The following TSC22D1 variants were observed in gnomAD, a reference collection of about 807,000 sequenced individuals.
TSC22D1 encodes TSC22 domain family member 1.
TSC22D1 carries 9 observed loss-of-function variants against 74.2 expected under a neutral mutation model. That is an observed-to-expected ratio of 0.12 (90% confidence interval 0.07 to 0.21). The LOEUF is 0.21. Among genes scored for constraint, TSC22D1 ranks in the 10% least tolerant of loss-of-function variants. The probability of loss-of-function intolerance (pLI) is 1.00; values close to 1 mark genes in which losing one functional copy is unlikely to be tolerated. For synonymous variants in TSC22D1, 586 were observed against 492.5 expected, an observed-to-expected ratio of 1.19 and a Z score of -2.51; for missense variants, 1,427 against 1,304.7, an observed-to-expected ratio of 1.09 and a Z score of -1.44.
chr13:44,437,094 C>T (rs1340278508), intron 1 of TSC22D1: 4 of 979,152 alleles, frequency 4.1e-6, no homozygotes, highest in African/African-American at 1.8e-5. Context: ...TCCACGGCGG[C>T]CTCAAAACAC....
At chr13:44,440,001 A>C (rs1301066635) in intron 1 of TSC22D1, among the ~76,000 whole-genome samples, 2 of 152,162 alleles carry the variant, frequency 1.3e-5, no homozygotes, top group Non-Finnish European at 2.9e-5. Flanking sequence ...ATTACCCTGT[A>C]CCTGACCAAA....
chr13:44,544,985 A>G (rs1194362597), intron 1 of TSC22D1, among the ~76,000 whole-genome samples: 1 of 152,190 alleles, frequency 6.6e-6, no homozygotes, highest in African/African-American at 2.4e-5. Context: ...TGCATAAACT[A>G]TATTGACTAT....
At chr13:44,456,238 A>G (rs7334639) in intron 1 of TSC22D1, among the ~76,000 whole-genome samples, 89,943 of 152,080 alleles carry the variant, frequency 0.59, 26,519 homozygotes, top group Middle Eastern at 0.67. Flanking sequence ...TCCACGGCGG[A>G]GAAGAAGACC....
intron 1 of TSC22D1, among the ~76,000 whole-genome samples, chr13:44,500,061 C>G (rs1163728563): frequency 1.4e-5 from 2 of 147,926 alleles, no homozygotes; most frequent in Admixed American, 6.8e-5. Context: ...GCACTCCAGC[C>G]TGGGTGACAA....
chr13:44,538,489 T>C, intron 1 of TSC22D1: 4 of 985,398 alleles, frequency 4.1e-6, no homozygotes, highest in Non-Finnish European at 4.8e-6. Context: ...GCCTACTTCA[T>C]TAAGGTGATT....
At chr13:44,536,778 T>C (rs1015871144) in intron 1 of TSC22D1, 3 of 984,358 alleles carry the variant, frequency 3.0e-6, no homozygotes, top group Non-Finnish European at 3.6e-6. Context: ...AAAAATTGCA[T>C]CTAAAAAAGT....
At position 44,533,409 on chromosome 13, in the gene TSC22D1, G is replaced by A. The variant is rs142065565; in HGVS notation, c.2912+39754C>T. Among the ~76,000 whole-genome samples the A allele has an allele frequency of 2.0e-3, 301 of 151,208 alleles. 10 individuals are homozygous for A. The East Asian group carries it at 0.05, about 25-fold the overall frequency. ...CAGGAGGCAGATGTTGCAGTGAGCT[G>A]AGATCTTGCCACTGCACTCCAGCTT... On this transcript the variant is annotated intron_variant, in intron 1 of 2. Coordinates refer to ENST00000458659, the MANE Select transcript of TSC22D1 (RefSeq NM_183422.4).
At chr13:44,544,583 A>C (rs921720399) in intron 1 of TSC22D1, among the ~76,000 whole-genome samples, 11 of 151,766 alleles carry the variant, frequency 7.2e-5, no homozygotes, top group African/African-American at 2.7e-4. Flanking sequence ...TCTGAACTTA[A>C]GGGGCTGAAT....
At chr13:44,455,961 T>C (rs750192729) in intron 1 of TSC22D1, among the ~76,000 whole-genome samples, 7 of 152,276 alleles carry the variant, frequency 4.6e-5, no homozygotes, top group South Asian at 4.1e-4. Context: ...CCAAAGACCA[T>C]TGATATGCAG....
intron 1 of TSC22D1, among the ~76,000 whole-genome samples, chr13:44,465,882 A>G (rs987948477): frequency 2.6e-5 from 4 of 152,218 alleles, no homozygotes; most frequent in African/African-American, 9.6e-5. Flanking sequence ...CTGAAGCAGG[A>G]GAATCGCTTG....
At chr13:44,494,763 A>G (rs1878888355) in intron 1 of TSC22D1, among the ~76,000 whole-genome samples, 2 of 152,206 alleles carry the variant, frequency 1.3e-5, no homozygotes, top group African/African-American at 4.8e-5. Flanking sequence ...AAATTAACAG[A>G]AACTGTTCCT....
intron 1 of TSC22D1, among the ~76,000 whole-genome samples, chr13:44,455,111 G>A (rs1876473529): frequency 6.6e-6 from 1 of 152,098 alleles, no homozygotes; most frequent in Non-Finnish European, 1.5e-5. Flanking sequence ...GTGAGATAAG[G>A]ACAAGTACCC....
Position 44,574,241 on chromosome 13 carries a change from G to C in TSC22D1, c.1834C>G (p.Pro612Ala). The change falls in exon 1 of 3, where the codon CCT becomes GCT. Residue 612 changes from proline (P) to alanine (A), a missense_variant. Pro to Ala is a conservative substitution (Grantham distance 27). Transcript: ENST00000458659. ...QPQLPYSQAA[P>A]PVQTPLPGAP... ...CCTGGAAGGGGAGTTTGCACTGGAG[G>C]AGCCGCCTGAGAATATGGTAGCTGG... 6.2e-7 allele frequency: 1 copy of C among 1,614,238 alleles called. No homozygotes were observed. Among genetic ancestry groups the C allele is most frequent in the South Asian group, 1.1e-5 (1 of 91,086 alleles).
At chr13:44,550,377 T>A (rs916977542) in intron 1 of TSC22D1, among the ~76,000 whole-genome samples, 5 of 151,606 alleles carry the variant, frequency 3.3e-5, no homozygotes, top group African/African-American at 1.2e-4. Context: ...AGGTCAGGAG[T>A]TCGAGACCAG....
At chr13:44,449,474 A>C (rs1372029561) in intron 1 of TSC22D1, among the ~76,000 whole-genome samples, 4 of 152,238 alleles carry the variant, frequency 2.6e-5, no homozygotes, top group Non-Finnish European at 5.9e-5. Flanking sequence ...GAAGGCAGGC[A>C]GGCTGCGTCC....
chr13:44,468,090 A>G (rs1203385434), intron 1 of TSC22D1, among the ~76,000 whole-genome samples: 3 of 152,158 alleles, frequency 2.0e-5, no homozygotes, highest in African/African-American at 7.2e-5. Flanking sequence ...ACAGAACTGG[A>G]GGCCATCATT....
rs1874116900 is a variant in TSC22D1, at chr13:44,432,386, C to T, written c.*2240G>A. The T allele has an allele frequency of 6.6e-6, 1 of 152,160 alleles. No homozygotes were observed. Among genetic ancestry groups the T allele is most frequent in the Non-Finnish European group, 1.5e-5 (1 of 68,018 alleles). 9.4% of individuals were successfully genotyped at this position (152,160 alleles called of 1,614,324 possible). A position where few individuals can be genotyped will look rare whatever the true frequency, so the allele number is the denominator to read the frequency against. On this transcript the variant is annotated 3_prime_UTR_variant, in exon 3 of 3. Transcript: ENST00000458659. ...TGAAATGGCTAGGGATTTCTATTCA[C>T]TATAGTTTTTTCAAGGAAATGTAAT...
chr13:44,505,226 T>G lies in TSC22D1; in HGVS notation c.2912+67937A>C, dbSNP rs940751061. Among the ~76,000 whole-genome samples, 5 of 152,230 alleles carry G rather than the reference T, an allele frequency of 3.3e-5. No individual in the cohort carries two copies. In the East Asian group the frequency reaches 9.6e-4, roughly 29 times the overall value. Reference sequence around the variant, plus strand: ...GGAGGATCACTTGAAGCCAGGCGCTTGAGTCAGCCTGAGCAACAAAGCAAG... The same window carrying G: ...GGAGGATCACTTGAAGCCAGGCGCTGGAGTCAGCCTGAGCAACAAAGCAAG... On this transcript the variant is annotated intron_variant, in intron 1 of 2. Coordinates refer to ENST00000458659, the MANE Select transcript of TSC22D1 (RefSeq NM_183422.4).
At chr13:44,461,458 A>G (rs1321063369) in intron 1 of TSC22D1, among the ~76,000 whole-genome samples, 2 of 152,206 alleles carry the variant, frequency 1.3e-5, no homozygotes, top group African/African-American at 4.8e-5. Context: ...AGGAAAGCAT[A>G]AGAGAAGGTA....
Sources: gnomAD v4.1 joint callset for allele counts (sites outside exome capture counted in the v4.1 genomes callset) on GRCh38, gnomAD v4.1.1 for gene constraint, MANE v1.5 for transcripts, NCBI Gene and HGNC (gene_info 2026-07-23, HGNC 2026-07-21) for gene names.